The following NOD1 variants were observed in gnomAD, a reference collection of about 807,000 sequenced individuals.
NOD1 encodes the protein nucleotide binding oligomerization domain containing 1, also known as nucleotide-binding oligomerization domain-containing protein 1.
NOD1 carries 70 observed loss-of-function variants against 81.2 expected under a neutral mutation model. The ratio of observed to expected loss-of-function variants is 0.86; its 90% CI spans 0.71 to 1.05. NOD1 has a LOEUF of 1.05. Among genes scored for constraint, NOD1 ranks in the 50% least tolerant of loss-of-function variants. The pLI is 0.00. For missense variants in NOD1, 1,233 were observed against 1,228.0 expected, an observed-to-expected ratio of 1.00 and a Z score of -0.06; for synonymous variants, 508 against 526.9, an observed-to-expected ratio of 0.96 and a Z score of 0.49.
At chr7:30,427,541 AGAG>A (rs1439485702) in intron 13 of NOD1, among the ~76,000 whole-genome samples, 1 of 152,148 alleles carries the variant, frequency 6.6e-6, no homozygotes, top group East Asian at 1.9e-4. Context: ...AGTCACACAC[AGAG>A]GAGCATGCTC....
chr7:30,436,156 C>G (rs1784363589), intron 10 of NOD1, 75 bp from the exon 11 acceptor site: 2 of 1,213,088 alleles, frequency 1.6e-6, no homozygotes, highest in Non-Finnish European at 2.4e-6. Context: ...ATCAGAACAG[C>G]TGGGAAGCCT....
At chr7:30,460,311 A>G (rs1786894407) in intron 1 of NOD1, 25 of 985,326 alleles carry the variant, frequency 2.5e-5, no homozygotes, top group Non-Finnish European at 3.0e-5. Context: ...AGACAGCCAG[A>G]GATCTGCTGG....
At chr7:30,426,127 C>T (rs1390980372) in intron 13 of NOD1, among the ~76,000 whole-genome samples, 1 of 152,104 alleles carries the variant, frequency 6.6e-6, no homozygotes, top group Admixed American at 6.5e-5. Context: ...CTCCATGTGA[C>T]CTCTACATCT....
At chr7:30,433,697 A>C (rs1784144057) in intron 11 of NOD1, among the ~76,000 whole-genome samples, 1 of 152,220 alleles carries the variant, frequency 6.6e-6, no homozygotes, top group African/African-American at 2.4e-5. Flanking sequence ...GGTCCTTAGA[A>C]CCAGAAGTGG....
chr7:30,425,790 A>AT, intron 13 of NOD1, 80 bp from the exon 14 acceptor site: 2 of 927,456 alleles, frequency 2.2e-6, no homozygotes, highest in Non-Finnish European at 3.6e-6. Flanking sequence ...GTGTGTTCAT[A>AT]GCACACACTC....
Position 30,451,359 on chromosome 7 carries a change from G to A in NOD1, c.2058C>T (p.Asn686=), listed in dbSNP as rs149096738. ...CANYLKLTYC[N]ACSADCSALS... ...GGGCGCTGCAGTCGGCCGAGCAGGCGTTGCAGTAGGTCAGCTTGAGGTAGT... is the reference window on the plus strand; with the variant it reads ...GGGCGCTGCAGTCGGCCGAGCAGGCATTGCAGTAGGTCAGCTTGAGGTAGT... The change falls in exon 6 of 14, where the codon AAC becomes AAT. Residue 686 remains asparagine (N), a synonymous_variant. Coordinates refer to ENST00000222823, the MANE Select transcript of NOD1 (RefSeq NM_006092.4). The surrounding 1 kb of genome is among the most constrained non-coding windows in gnomAD (Gnocchi z 4.2). 1.9e-3 allele frequency: 3,140 copies of A among 1,614,196 alleles called. 6 individuals carry two copies. Among genetic ancestry groups the A allele is most frequent in the Middle Eastern group, 4.3e-3 (26 of 6,062 alleles).
At chr7:30,457,789 C>T (rs1385128197) in intron 3 of NOD1, among the ~76,000 whole-genome samples, 1 of 152,104 alleles carries the variant, frequency 6.6e-6, no homozygotes, top group African/African-American at 2.4e-5. Context: ...GAGACAGCAG[C>T]ATGAAGTCTC....
At chr7:30,448,578 A>C (rs1471379128) in intron 6 of NOD1, among the ~76,000 whole-genome samples, 197 bp from the exon 7 acceptor site, 1 of 152,194 alleles carries the variant, frequency 6.6e-6, no homozygotes, top group Non-Finnish European at 1.5e-5. Flanking sequence ...CCCATCCTGC[A>C]CCAGCCCATG....
At chr7:30,447,401 G>C (rs1376235767) in intron 7 of NOD1, 1 of 294,558 alleles carries the variant, frequency 3.4e-6, no homozygotes, top group African/African-American at 2.2e-5. Context: ...CAGGTGATGG[G>C]TATTTACAAC....
At chr7:30,468,245 T>C (rs530215984) in intron 1 of NOD1, among the ~76,000 whole-genome samples, 1 of 152,338 alleles carries the variant, frequency 6.6e-6, no homozygotes, top group Non-Finnish European at 1.5e-5. Context: ...TTCCTCTTTT[T>C]TTCATAAAAC....
rs766935307 is a variant in NOD1 at position 30,452,585 on chromosome 7, C to T, written c.832G>A (p.Val278Met). 1.2e-5 allele frequency: 19 copies of T among 1,613,404 alleles called. No individual in the cohort carries two copies. The highest frequency in any genetic ancestry group is 4.5e-5 in the East Asian group (2 of 44,898). Residue 278 changes from valine (V) to methionine (M), a missense_variant, in exon 6 of 14, where the codon GTG becomes ATG. Coordinates refer to ENST00000222823, the MANE Select transcript of NOD1 (RefSeq NM_006092.4). Reference protein sequence around the residue: ...VFAFLLRFPHVALFTFDGLDE... With the variant: ...VFAFLLRFPHMALFTFDGLDE... Reference sequence around the variant, plus strand: ...AGGCCATCGAAGGTGAAGAGGGCCACGTGGGGGAAGCGCAGCAGGAAGGCA... The same window carrying T: ...AGGCCATCGAAGGTGAAGAGGGCCATGTGGGGGAAGCGCAGCAGGAAGGCA...
chr7:30,462,816 G>T (rs1191613031), intron 1 of NOD1, among the ~76,000 whole-genome samples: 2 of 152,068 alleles, frequency 1.3e-5, no homozygotes, highest in African/African-American at 4.8e-5. Context: ...GGGCATCGTG[G>T]TGCACACCTG....
chr7:30,448,896 C>A (rs191759868), intron 6 of NOD1, among the ~76,000 whole-genome samples: 1 of 152,336 alleles, frequency 6.6e-6, no homozygotes, highest in East Asian at 1.9e-4. Context: ...AGCTTCCCCC[C>A]ATCCAGAAAC....
At chr7:30,453,343 G>A (rs1328016537) in intron 5 of NOD1, among the ~76,000 whole-genome samples, 1 of 152,132 alleles carries the variant, frequency 6.6e-6, no homozygotes, top group African/African-American at 2.4e-5. Context: ...TCCGCACAGT[G>A]TCATCACTGA....
chr7:30,456,207 C>G (rs1205413733), intron 4 of NOD1, among the ~76,000 whole-genome samples: 1 of 152,086 alleles, frequency 6.6e-6, no homozygotes, highest in Non-Finnish European at 1.5e-5. Flanking sequence ...TTTGTGGTCT[C>G]CATTTTATTT....
At chr7:30,448,501 T>C in intron 6 of NOD1, 120 bp from the exon 7 acceptor site, 1 of 821,946 alleles carries the variant, frequency 1.2e-6, no homozygotes, top group South Asian at 1.5e-5. Flanking sequence ...TAGACGCCCC[T>C]GGAGAATGGC....
intron 1 of NOD1, among the ~76,000 whole-genome samples, chr7:30,461,786 G>A (rs753395971): frequency 2.0e-4 from 30 of 151,982 alleles, no homozygotes; most frequent in African/African-American, 2.9e-4. Flanking sequence ...TCACCCAGGC[G>A]GGAGTGCAGT....
At chr7:30,465,543 G>A (rs1787607579) in intron 1 of NOD1, among the ~76,000 whole-genome samples, 1 of 152,132 alleles carries the variant, frequency 6.6e-6, no homozygotes, top group Non-Finnish European at 1.5e-5. Flanking sequence ...CATCCCAACT[G>A]ATGGGGCCAG....
intron 12 of NOD1, among the ~76,000 whole-genome samples, chr7:30,429,705 G>A (rs1274442172): frequency 6.6e-6 from 1 of 152,178 alleles, no homozygotes; most frequent in Non-Finnish European, 1.5e-5. Context: ...ACTGATGTGT[G>A]TGTTTGCATT....
Sources: allele counts gnomAD v4.1 joint callset (sites outside exome capture counted in the v4.1 genomes callset), GRCh38; gene constraint gnomAD v4.1.1; non-coding constraint Gnocchi (gnomAD v3.1); transcripts MANE v1.5; gene names NCBI Gene and HGNC (gene_info 2026-07-23, HGNC 2026-07-21).